Variants in TLN2 observed in about 807,000 individuals in gnomAD.
The protein encoded by TLN2 is talin-2.
Under a neutral mutation model 294.7 loss-of-function variants are expected in TLN2, and 118 were observed. That is an observed-to-expected ratio of 0.40 (90% CI 0.34 to 0.47). The LOEUF is 0.47. TLN2 is among the 20% of genes least tolerant of loss of function. The pLI, the probability that TLN2 is intolerant of heterozygous loss-of-function variation, is 0.84. For synonymous variants in TLN2, 1,431 were observed against 1,304.5 expected, an observed-to-expected ratio of 1.10 and a Z score of -2.09; for missense variants, 3,083 against 3,282.2, an observed-to-expected ratio of 0.94 and a Z score of 1.48.
intron 1 of TLN2, among the ~76,000 whole-genome samples, chr15:62,529,781 T>A (rs1264309616): frequency 6.6e-6 from 1 of 152,252 alleles, no homozygotes; most frequent in Non-Finnish European, 1.5e-5. Context: ...TAAGTAAATA[T>A]AGGACTTCTG....
intron 2 of TLN2, among the ~76,000 whole-genome samples, chr15:62,612,721 G>A (rs1053899474): frequency 2.6e-5 from 4 of 151,962 alleles, no homozygotes; most frequent in Admixed American, 1.3e-4. Flanking sequence ...CACTTCTTAG[G>A]GCTGACTTCT....
At chr15:62,450,380 C>T (rs2036035191) in intron 1 of TLN2, among the ~76,000 whole-genome samples, 1 of 152,136 alleles carries the variant, frequency 6.6e-6, no homozygotes, top group African/African-American at 2.4e-5. Context: ...TTAACTCGGG[C>T]ACGAGTTTAA....
intron 1 of TLN2, among the ~76,000 whole-genome samples, chr15:62,480,792 A>G (rs1032142434): frequency 3.3e-5 from 5 of 152,122 alleles, no homozygotes; most frequent in South Asian, 2.1e-4. Context: ...TCACAATGTA[A>G]TATAAATTTT....
intron 42 of TLN2, among the ~76,000 whole-genome samples, chr15:62,773,889 G>A (rs951765882): frequency 6.6e-6 from 1 of 152,134 alleles, no homozygotes; most frequent in African/African-American, 2.4e-5. Flanking sequence ...TAAAAAAGCG[G>A]CAGCCCAGAA....
At chr15:62,746,855 A>T (rs2140985186) in intron 32 of TLN2, among the ~76,000 whole-genome samples, 1 of 152,268 alleles carries the variant, frequency 6.6e-6, no homozygotes, top group East Asian at 1.9e-4. Flanking sequence ...TTTAAGTCTT[A>T]TTTCTGCTGC....
chr15:62,778,789 T>C (rs1011349452), intron 43 of TLN2, among the ~76,000 whole-genome samples: 6 of 152,218 alleles, frequency 3.9e-5, no homozygotes, highest in African/African-American at 1.4e-4. Context: ...TCTTCCCCCC[T>C]CAGTTCTGCA....
chr15:62,558,953 A>G (rs1003652057), intron 1 of TLN2, among the ~76,000 whole-genome samples: 1 of 152,180 alleles, frequency 6.6e-6, no homozygotes, highest in Non-Finnish European at 1.5e-5. Flanking sequence ...ATACAGGGAG[A>G]GCAGAGAAGC....
At chr15:62,649,825 C>T (rs2052382282) in intron 4 of TLN2, among the ~76,000 whole-genome samples, 1 of 152,178 alleles carries the variant, frequency 6.6e-6, no homozygotes, top group Non-Finnish European at 1.5e-5. Context: ...CTAAATTTTC[C>T]TACATTTTAG....
At chr15:62,487,593 G>C (rs2038473859) in intron 1 of TLN2, among the ~76,000 whole-genome samples, 1 of 152,096 alleles carries the variant, frequency 6.6e-6, no homozygotes, top group South Asian at 2.1e-4. Context: ...AGCACTTTTG[G>C]TGGCCGAGGT....
At chr15:62,762,044 C>G (rs1208116164) in intron 38 of TLN2, among the ~76,000 whole-genome samples, 1 of 152,076 alleles carries the variant, frequency 6.6e-6, no homozygotes, top group Non-Finnish European at 1.5e-5. Context: ...AGGTTTGGGG[C>G]GATTCTTGGG....
intron 1 of TLN2, among the ~76,000 whole-genome samples, chr15:62,417,798 A>G (rs1198387201): frequency 6.6e-6 from 1 of 152,222 alleles, no homozygotes; most frequent in Middle Eastern, 3.2e-3. Flanking sequence ...GGAATTATGC[A>G]TTCATTGGGA....
At chr15:62,573,046 A>G (rs989801727) in intron 1 of TLN2, among the ~76,000 whole-genome samples, 5 of 152,148 alleles carry the variant, frequency 3.3e-5, no homozygotes, top group African/African-American at 1.2e-4. Flanking sequence ...GCCAACCCGT[A>G]ACAACTCAGC....
chr15:62,697,629 C>T (rs1468310531), intron 14 of TLN2, 59 bp from the exon 15 acceptor site: 2 of 1,536,358 alleles, frequency 1.3e-6, no homozygotes. Flanking sequence ...TGTGGGGTCT[C>T]CTCATTGCAC....
At chr15:62,724,861 G>A (rs1382910270) in intron 26 of TLN2, 115 bp from the exon 27 acceptor site, 22 of 1,320,768 alleles carry the variant, frequency 1.7e-5, no homozygotes, top group Non-Finnish European at 2.2e-5. Flanking sequence ...TGCTCCTCCT[G>A]CTGGATTTGG....
chr15:62,562,646 G>A (rs1468573479), intron 1 of TLN2, among the ~76,000 whole-genome samples: 7 of 151,938 alleles, frequency 4.6e-5, no homozygotes, highest in Admixed American at 1.3e-4. Flanking sequence ...ACCCATCACC[G>A]GAGCAGTATA....
Position 62,753,763 on chromosome 15 carries a change from C to T in TLN2, c.4333-10C>T. Reference sequence around the variant, plus strand: ...GAGCCTGAGCTGTGGTTTTTCTCTTCCCTTTCTAGGCTGCATACTTGGTTG... The same window carrying T: ...GAGCCTGAGCTGTGGTTTTTCTCTTTCCTTTCTAGGCTGCATACTTGGTTG... On this transcript the variant is annotated splice_polypyrimidine_tract_variant and intron_variant, in intron 35 of 58. Transcript: ENST00000636159. 1.3e-6 allele frequency: 2 copies of T among 1,594,836 alleles called. No individual in the cohort carries two copies. The highest frequency in any genetic ancestry group is 1.7e-6 in the Non-Finnish European group (2 of 1,170,638).
chr15:62,646,145 C>T (rs1202288320), intron 3 of TLN2, among the ~76,000 whole-genome samples: 3 of 147,002 alleles, frequency 2.0e-5, no homozygotes, highest in East Asian at 2.0e-4. Flanking sequence ...CGTCTCATCT[C>T]GTCTCATCTC....
chr15:62,825,343 G>A (rs908584247), intron 54 of TLN2, among the ~76,000 whole-genome samples: 1 of 152,148 alleles, frequency 6.6e-6, no homozygotes, highest in Non-Finnish European at 1.5e-5. Flanking sequence ...ACCTGCAGAC[G>A]AAGCCCAGTT....
chr15:62,786,296 G>A (rs188546136), intron 45 of TLN2, among the ~76,000 whole-genome samples: 9 of 152,278 alleles, frequency 5.9e-5, no homozygotes, highest in Admixed American at 3.3e-4. Context: ...CTGCAGTCCC[G>A]CAGTCCGCTA....
Sources: allele counts gnomAD v4.1 joint callset (sites outside exome capture counted in the v4.1 genomes callset), GRCh38; gene constraint gnomAD v4.1.1; transcripts MANE v1.5; gene names NCBI Gene and HGNC (gene_info 2026-07-23, HGNC 2026-07-21).